Variants in RHCG observed in about 807,000 individuals in gnomAD.
RHCG encodes ammonium transporter Rh type C.
In RHCG, 39 loss-of-function variants were observed where a neutral mutation model predicts 55.3. The observed-to-expected ratio is 0.70, with a 90% CI of 0.55 to 0.92. The LOEUF (loss-of-function observed/expected upper bound fraction) is 0.92. RHCG is among the 40% of genes least tolerant of loss of function. The pLI, the probability that RHCG is intolerant of heterozygous loss-of-function variation, is 0.00. For synonymous variants in RHCG, 250 were observed against 246.8 expected (o/e 1.01, Z -0.12); for missense variants, 635 against 627.9 (o/e 1.01, Z -0.12).
Position 89,476,749 on chromosome 15 carries a change from ACTCAC to A in RHCG, c.1311+1_1311+5del. 1 of 1,613,384 alleles carries A rather than the reference ACTCAC, an allele frequency of 6.2e-7. No homozygotes were observed. The highest frequency in any genetic ancestry group is 1.7e-5 in the Admixed American group (1 of 60,016). ...TCCTTCAGGGGGCCAAGTCCCTGGAACTCACCTCCCAGTAGACCGCATCCTCAAAG... is the reference window on the plus strand; with the variant it reads ...TCCTTCAGGGGGCCAAGTCCCTGGAACTCCCAGTAGACCGCATCCTCAAAG... On this transcript the variant is annotated splice_donor_variant and splice_donor_5th_base_variant and intron_variant, in intron 9 of 10. Coordinates refer to ENST00000268122, the MANE Select transcript of RHCG (RefSeq NM_016321.3). LOFTEE classifies it high-confidence loss of function.
chr15:89,496,358 T>C lies in RHCG; in HGVS notation c.184+3A>G. The C allele has an allele frequency of 6.2e-7, 1 of 1,613,734 alleles. No homozygotes were observed. The highest frequency in any genetic ancestry group is 8.5e-7 in the Non-Finnish European group (1 of 1,179,854). On this transcript the variant is annotated splice_donor_region_variant and intron_variant, in intron 1 of 10. Transcript: ENST00000268122. The stretch of plus-strand genomic sequence containing the variant: ...CGCTGGGCCTGCAGGCGGCGAGACT[T>C]ACTTGGGTAGCGATAGTAGAATTCG...
intron 1 of RHCG, among the ~76,000 whole-genome samples, chr15:89,490,128 G>A (rs915356536): frequency 1.3e-5 from 2 of 152,206 alleles, no homozygotes; most frequent in Non-Finnish European, 1.5e-5. Context: ...CCTCCAGTCC[G>A]CCTCCCACCA....
Position 89,477,409 on chromosome 15 carries a change from G to A in RHCG, c.1112+108C>T. ...CCCATGAAACAATTGGTCCAGAGTG[G>A]GGAAGGAAAGGGAGAAAGATGCAGT... On this transcript the variant is annotated intron_variant, in intron 7 of 10. Transcript: ENST00000268122. The surrounding 1 kb of genome is among the most constrained non-coding windows in gnomAD (Gnocchi z 4.5). The A allele has an allele frequency of 6.7e-7, 1 of 1,489,982 alleles. No individual in the cohort carries two copies. Among genetic ancestry groups the A allele is most frequent in the East Asian group, 2.4e-5 (1 of 42,466 alleles). 92.3% of individuals were successfully genotyped at this position (1,489,982 alleles called of 1,614,324 possible). A position where few individuals can be genotyped will look rare whatever the true frequency, so the allele number is the denominator to read the frequency against.
At chr15:89,476,706 G>C in intron 9 of RHCG, 49 bp downstream of exon 9, 1 of 1,509,762 alleles carries the variant, frequency 6.6e-7, no homozygotes, top group Non-Finnish European at 9.2e-7. Flanking sequence ...TGGAGGCAGG[G>C]AGGGAACGCA....
chr15:89,473,453 A>T (rs1214540990), intron 9 of RHCG, among the ~76,000 whole-genome samples: 1 of 152,056 alleles, frequency 6.6e-6, no homozygotes, highest in East Asian at 1.9e-4. Flanking sequence ...AAGGTAAACC[A>T]CTCAGGGCCT....
chr15:89,476,054 C>G (rs1276849660), intron 9 of RHCG, among the ~76,000 whole-genome samples: 6 of 151,646 alleles, frequency 4.0e-5, no homozygotes, highest in Non-Finnish European at 8.8e-5. Flanking sequence ...CTTCCCTCCC[C>G]TCCCCTCCGC....
intron 4 of RHCG, chr15:89,479,752 G>C (rs926429261): frequency 2.4e-5 from 12 of 493,794 alleles, no homozygotes; most frequent in Non-Finnish European, 3.6e-5. Flanking sequence ...TTCCCACAGC[G>C]CCAGGAGGGA....
At chr15:89,482,955 GAAGTT>G (rs1161629022) in intron 3 of RHCG, 107 bp downstream of exon 3, 1 of 1,088,496 alleles carries the variant, frequency 9.2e-7, no homozygotes, top group African/African-American at 1.6e-5. Context: ...TGACGTTCAG[GAAGTT>G]AAGTGACTCG....
chr15:89,482,981 A>C (rs1035185535), intron 3 of RHCG, 86 bp downstream of exon 3: 1 of 1,314,276 alleles, frequency 7.6e-7, no homozygotes, highest in African/African-American at 1.5e-5. Flanking sequence ...CCAGGCTGGC[A>C]TGTCTCCCCA....
At chr15:89,489,048 T>C (rs1210062131) in intron 1 of RHCG, among the ~76,000 whole-genome samples, 4 of 152,188 alleles carry the variant, frequency 2.6e-5, no homozygotes, top group Non-Finnish European at 5.9e-5. Flanking sequence ...TGTGTGTATG[T>C]GCGTGTGCAT....
chr15:89,484,086 G>A (rs1443251225), intron 2 of RHCG, among the ~76,000 whole-genome samples: 4 of 168 alleles, frequency 0.024, no homozygotes, highest in Non-Finnish European at 0.05. Flanking sequence ...TGATGGGGTG[G>A]GTGGGGGGTC....
At chr15:89,476,705 G>A in intron 9 of RHCG, 50 bp downstream of exon 9, 13 of 1,503,312 alleles carry the variant, frequency 8.6e-6, no homozygotes, top group Non-Finnish European at 1.2e-5. Flanking sequence ...GTGGAGGCAG[G>A]GAGGGAACGC....
intron 3 of RHCG, among the ~76,000 whole-genome samples, chr15:89,481,697 T>A (rs919690284): frequency 1.3e-5 from 2 of 152,220 alleles, no homozygotes; most frequent in Non-Finnish European, 2.9e-5. Flanking sequence ...AAGTGCCTTA[T>A]AACAAGTTTG....
chr15:89,481,469 G>A (rs1461978036), intron 3 of RHCG, among the ~76,000 whole-genome samples: 2 of 151,924 alleles, frequency 1.3e-5, no homozygotes, highest in Admixed American at 6.6e-5. Flanking sequence ...AAAAAAGAGG[G>A]GATACGCATA....
chr15:89,491,230 C>T (rs867392264), intron 1 of RHCG, among the ~76,000 whole-genome samples: 2 of 152,082 alleles, frequency 1.3e-5, no homozygotes, highest in Non-Finnish European at 2.9e-5. Flanking sequence ...CTGCCTGTCC[C>T]CTCTCACCCT....
Position 89,486,599 on chromosome 15 carries a change from A to AGAGTGAGTGTGTGT in RHCG, c.371+199_371+200insACACACACTCACTC. The AGAGTGAGTGTGTGT allele has an allele frequency of 1.8e-4, 47 of 264,462 alleles. No homozygotes were observed. In the Admixed American group the frequency reaches 1.9e-3, roughly 11 times the overall value. 16.4% of individuals were successfully genotyped at this position (264,462 alleles called of 1,614,324 possible). A position where few individuals can be genotyped will look rare whatever the true frequency, so the allele number is the denominator to read the frequency against. Reference sequence around the variant, plus strand: ...GAGAGAGAGAGAGAGAGAGAGAGAGAGTGTGTGTGTGTGTGTGTGTGTGTG... The same window carrying AGAGTGAGTGTGTGT: ...GAGAGAGAGAGAGAGAGAGAGAGAGAGAGTGAGTGTGTGTGTGTGTGTGTGTGTGTGTGTGTGTG... On this transcript the variant is annotated intron_variant, in intron 2 of 10. Coordinates refer to ENST00000268122, the MANE Select transcript of RHCG (RefSeq NM_016321.3).
chr15:89,476,767 C>T lies in RHCG; in HGVS notation c.1299G>A (p.Ala433=), dbSNP rs546926679. 23 of 1,613,912 alleles carry T rather than the reference C, an allele frequency of 1.4e-5. No individual in the cohort carries two copies. The highest frequency in any genetic ancestry group is 3.3e-5 in the Admixed American group (2 of 60,006). Residue 433 remains alanine, a synonymous_variant, in exon 9 of 11, where the codon GCG becomes GCA. Coordinates refer to ENST00000268122, the MANE Select transcript of RHCG (RefSeq NM_016321.3). ...QPSDENCFED[A]VYWEMPEGNS... ...CCCTGGAACTCACCTCCCAGTAGAC[C>T]GCATCCTCAAAGCAGTTCTCATCTG...
At chr15:89,495,796 G>A (rs1422124520) in intron 1 of RHCG, among the ~76,000 whole-genome samples, 1 of 152,238 alleles carries the variant, frequency 6.6e-6, no homozygotes, top group Non-Finnish European at 1.5e-5. Flanking sequence ...CACCTGGTTT[G>A]TGGCAAGAGC....
chr15:89,494,802 A>T (rs1262706232), intron 1 of RHCG, among the ~76,000 whole-genome samples: 3 of 151,904 alleles, frequency 2.0e-5, no homozygotes, highest in Non-Finnish European at 4.4e-5. Flanking sequence ...GAGCCATCGC[A>T]CCCAGCCTAT....
Sources: allele counts gnomAD v4.1 joint callset (sites outside exome capture counted in the v4.1 genomes callset), GRCh38; gene constraint gnomAD v4.1.1; non-coding constraint Gnocchi (gnomAD v3.1); transcripts MANE v1.5; gene names NCBI Gene and HGNC (gene_info 2026-07-23, HGNC 2026-07-21).